DPP10: variants seen among roughly 807,000 people sequenced by gnomAD.
DPP10 encodes the protein inactive dipeptidyl peptidase 10.
Under a neutral mutation model 120.9 loss-of-function variants are expected in DPP10, and 33 were observed. That is an observed-to-expected ratio of 0.27 (90% CI 0.21 to 0.37). The LOEUF (loss-of-function observed/expected upper bound fraction) is 0.37, where lower values mean the gene tolerates loss of function less well. Ranked by LOEUF, DPP10 falls within the 10% of genes least tolerant of loss-of-function variation. The pLI is 1.00. For synonymous variants in DPP10, 337 were observed against 326.1 expected (o/e 1.03, Z -0.36); for missense variants, 816 against 942.8 (o/e 0.87, Z 1.76).
At chr2:114,587,703 C>A (rs1691119868) in intron 1 of DPP10, among the ~76,000 whole-genome samples, 1 of 152,126 alleles carries the variant, frequency 6.6e-6, no homozygotes, top group Non-Finnish European at 1.5e-5. Context: ...AGCAATAAAG[C>A]AATTTTCTCA....
Position 115,171,770 on chromosome 2 carries a change from A to C in DPP10, c.61-137469A>C, listed in dbSNP as rs77062642. On this transcript the variant is annotated intron_variant, in intron 1 of 25. Coordinates refer to ENST00000410059, the MANE Select transcript of DPP10 (RefSeq NM_020868.6). ...TTTAAAATGCTTTGTGTCCATAGGC[A>C]AGGCTCATTTGACATTTCTTGATTT... Among the ~76,000 whole-genome samples, 631 of 152,114 alleles carry C rather than the reference A, an allele frequency of 4.1e-3. 4 individuals carry two copies. Among genetic ancestry groups the C allele is most frequent in the South Asian group, 0.013 (61 of 4,814 alleles).
At chr2:115,797,716 T>C (rs1449353476) in intron 19 of DPP10, among the ~76,000 whole-genome samples, 1 of 151,960 alleles carries the variant, frequency 6.6e-6, no homozygotes, top group African/African-American at 2.4e-5. Context: ...GTTTCTGTTT[T>C]TTTCTTGAAC....
intron 5 of DPP10, among the ~76,000 whole-genome samples, chr2:115,633,669 T>C (rs2149326011): frequency 6.6e-6 from 1 of 152,296 alleles, no homozygotes; most frequent in Non-Finnish European, 1.5e-5. Flanking sequence ...TCTGACAGGC[T>C]TCCCTTTATA....
intron 1 of DPP10, among the ~76,000 whole-genome samples, chr2:115,018,934 C>T (rs1179972466): frequency 1.3e-5 from 2 of 151,894 alleles, no homozygotes; most frequent in Non-Finnish European, 2.9e-5. Context: ...CCTGAGCAGC[C>T]CCACTTCTGC....
At chr2:115,457,338 C>T (rs1000752399) in intron 3 of DPP10, among the ~76,000 whole-genome samples, 11 of 152,010 alleles carry the variant, frequency 7.2e-5, no homozygotes, top group Non-Finnish European at 1.5e-4. Flanking sequence ...TAATCTTTTA[C>T]CTTGATTTAG....
At chr2:114,948,226 A>G (rs929836433) in intron 1 of DPP10, among the ~76,000 whole-genome samples, 1 of 152,102 alleles carries the variant, frequency 6.6e-6, no homozygotes, top group Non-Finnish European at 1.5e-5. Context: ...TGACAGTTCA[A>G]TCCTTCAATT....
chr2:115,167,671 T>C (rs2053000594), intron 1 of DPP10, among the ~76,000 whole-genome samples: 1 of 151,890 alleles, frequency 6.6e-6, no homozygotes, highest in Admixed American at 6.6e-5. Context: ...ATTTTAAGTT[T>C]ACAGACAACC....
At chr2:115,067,499 G>T (rs112771163) in intron 1 of DPP10, among the ~76,000 whole-genome samples, 1 of 146,032 alleles carries the variant, frequency 6.8e-6, no homozygotes, top group African/African-American at 2.5e-5. Flanking sequence ...TGATCCCCCC[G>T]CCTCGGCCTC....
chr2:115,804,896 G>T (rs529715021), intron 19 of DPP10, among the ~76,000 whole-genome samples: 4 of 152,344 alleles, frequency 2.6e-5, no homozygotes, highest in African/African-American at 9.6e-5. Flanking sequence ...ACTTGAGGAG[G>T]CAGTCTGCCT....
intron 1 of DPP10, among the ~76,000 whole-genome samples, chr2:114,724,847 G>C (rs1250013906): frequency 6.6e-6 from 1 of 152,210 alleles, no homozygotes; most frequent in Non-Finnish European, 1.5e-5. Flanking sequence ...CAATTTGCTT[G>C]ATAGCTCCTA....
intron 1 of DPP10, among the ~76,000 whole-genome samples, chr2:114,997,933 A>G (rs1014943910): frequency 5.3e-5 from 8 of 152,202 alleles, no homozygotes; most frequent in Non-Finnish European, 8.8e-5. Context: ...CTTAATACAC[A>G]TAGTTTGAGG....
rs146661928 is a variant in DPP10 at position 114,541,864 on chromosome 2, A to T, written c.60+99026A>T. ...TGTCACAGAAAAAGACTAGAAGTGA[A>T]TAGTTGCTTTTGAGTAATGGGATTA... is the stretch of plus-strand genomic sequence containing the variant. On this transcript the variant is annotated intron_variant, in intron 1 of 25. Coordinates refer to ENST00000410059, the MANE Select transcript of DPP10 (RefSeq NM_020868.6). Among the ~76,000 whole-genome samples, 1,479 of 152,226 alleles carry T rather than the reference A, an allele frequency of 9.7e-3. 26 individuals carry two copies. The highest frequency in any genetic ancestry group is 0.034 in the African/African-American group (1,398 of 41,554).
At chr2:115,682,102 T>G (rs909970890) in intron 5 of DPP10, among the ~76,000 whole-genome samples, 4 of 151,964 alleles carry the variant, frequency 2.6e-5, no homozygotes, top group African/African-American at 9.7e-5. Context: ...TATTTCTGCA[T>G]GGATATGCTA....
At chr2:115,217,615 A>T (rs6542252) in intron 1 of DPP10, among the ~76,000 whole-genome samples, 9,669 of 152,190 alleles carry the variant, frequency 0.064, 345 homozygotes, top group Middle Eastern at 0.11. Flanking sequence ...GGGACTTGCC[A>T]GATACACATA....
At chr2:114,601,020 C>G (rs545910101) in intron 1 of DPP10, among the ~76,000 whole-genome samples, 1 of 151,822 alleles carries the variant, frequency 6.6e-6, no homozygotes, top group Non-Finnish European at 1.5e-5. Context: ...CCCAACTTAC[C>G]TTAGAAGGCT....
At chr2:115,773,283 C>T (rs1681693733) in intron 13 of DPP10, among the ~76,000 whole-genome samples, 1 of 152,046 alleles carries the variant, frequency 6.6e-6, no homozygotes, top group Admixed American at 6.6e-5. Flanking sequence ...GTAAAAAGAA[C>T]ATGCAGGGTT....
At chr2:115,688,676 C>T (rs2091142614) in intron 5 of DPP10, among the ~76,000 whole-genome samples, 1 of 152,100 alleles carries the variant, frequency 6.6e-6, no homozygotes, top group African/African-American at 2.4e-5. Context: ...TTCCTAATTT[C>T]CTCTGTATTC....
intron 3 of DPP10, chr2:115,441,097 G>A (rs1351918936): frequency 6.6e-6 from 1 of 152,156 alleles, no homozygotes; most frequent in African/African-American, 2.4e-5. Context: ...AAAATTCAAA[G>A]TAGCGAGTTA....
At chr2:114,532,206 G>A (rs2104743121) in intron 1 of DPP10, among the ~76,000 whole-genome samples, 1 of 144,586 alleles carries the variant, frequency 6.9e-6, no homozygotes, top group East Asian at 2.0e-4. Flanking sequence ...CAGACTGTGG[G>A]ACTCCTTGGC....
Sources: allele counts gnomAD v4.1 joint callset (sites outside exome capture counted in the v4.1 genomes callset), GRCh38; gene constraint gnomAD v4.1.1; transcripts MANE v1.5; gene names NCBI Gene and HGNC (gene_info 2026-07-23, HGNC 2026-07-21).